FAT3: variants seen among roughly 807,000 people sequenced by gnomAD.
FAT3 encodes the protein protocadherin Fat 3.
FAT3 carries 95 observed loss-of-function variants against 310.2 expected under a neutral mutation model. That is an observed-to-expected ratio of 0.31 (90% CI 0.26 to 0.36). The LOEUF is 0.36. Among genes scored for constraint, FAT3 ranks in the 10% least tolerant of loss-of-function variants. The pLI is 1.00. For missense variants in FAT3, 5,408 were observed against 5,715.6 expected, an observed-to-expected ratio of 0.95 and a Z score of 1.74; for synonymous variants, 2,314 against 2,192.9, an observed-to-expected ratio of 1.06 and a Z score of -1.54.
intron 4 of FAT3, among the ~76,000 whole-genome samples, chr11:92,724,156 CTG>C (rs1245323747): frequency 1.3e-5 from 2 of 152,114 alleles, no homozygotes; most frequent in African/African-American, 2.4e-5. Context: ...TTTCAAGAAA[CTG>C]TGGTGAACTG....
chr11:92,332,218 AGTTCTT>A (rs1416834369), intron 1 of FAT3, among the ~76,000 whole-genome samples: 1 of 152,176 alleles, frequency 6.6e-6, no homozygotes, highest in Admixed American at 6.5e-5. Flanking sequence ...TTTCTCAGAC[AGTTCTT>A]GCACTTTCCC....
In FAT3 at chr11:92,889,862, T is replaced by G. The variant is rs1382500528; in HGVS notation, c.13118T>G (p.Val4373Gly). The G allele has an allele frequency of 1.4e-6, 1 of 718,084 alleles. No individual in the cohort carries two copies. Among genetic ancestry groups the G allele is most frequent in the South Asian group, 1.5e-5 (1 of 67,606 alleles). The allele number at this position is 718,084 out of a possible 1,614,324, so 44.5% of individuals were successfully genotyped here. A position where few individuals can be genotyped will look rare whatever the true frequency, so the allele number is the denominator to read the frequency against. Reference protein sequence around the residue: ...VVDTIENEVSVMDQGQNYNRA... With the variant: ...VVDTIENEVSGMDQGQNYNRA... ...TCACTTTGTATTTAAACAGTGTCTG[T>G]CATGGACCAAGGACAGAACTACAAC... Residue 4373 changes from valine (V) to glycine (G), a missense_variant, in exon 27 of 28, where the codon GTC becomes GGC. Physicochemically the swap from Val to Gly is moderately radical, Grantham distance 109. Transcript: ENST00000525166.
intron 3 of FAT3, among the ~76,000 whole-genome samples, chr11:92,662,995 G>A (rs1942838616): frequency 6.6e-6 from 1 of 152,162 alleles, no homozygotes; most frequent in South Asian, 2.1e-4. Context: ...GTTCATTGCT[G>A]GAGACTGGCT....
At chr11:92,706,014 G>A (rs565411504) in intron 4 of FAT3, among the ~76,000 whole-genome samples, 99 of 151,548 alleles carry the variant, frequency 6.5e-4, no homozygotes, top group Admixed American at 3.3e-3. Context: ...TGGAGGAGAT[G>A]ACAGTTGTGA....
chr11:92,781,695 T>C (rs917033203), intron 7 of FAT3, among the ~76,000 whole-genome samples: 1 of 152,212 alleles, frequency 6.6e-6, no homozygotes, highest in Non-Finnish European at 1.5e-5. Flanking sequence ...CAGAAGGCAG[T>C]TCAGTCACTT....
Position 92,434,063 on chromosome 11 carries a change from A to G in FAT3, c.3292+78659A>G, listed in dbSNP as rs375581501. Among the ~76,000 whole-genome samples the G allele has an allele frequency of 3.3e-5, 5 of 151,582 alleles. No individual in the cohort carries two copies. The South Asian group carries it at 1.0e-3, about 32-fold the overall frequency. On this transcript the variant is annotated intron_variant, in intron 2 of 27. Transcript: ENST00000525166. ...CATCACTGTGGATTGAGAGGGTTGA[A>G]CTTCAGAGGATGCTGATCAGAGGAG...
At chr11:92,355,439 C>T in intron 2 of FAT3, 35 bp downstream of exon 2, 1 of 1,568,542 alleles carries the variant, frequency 6.4e-7, no homozygotes, top group Non-Finnish European at 8.7e-7. Flanking sequence ...AGTGTTGTTT[C>T]ACCTCTTTTA....
chr11:92,630,629 C>T (rs2135700867), intron 3 of FAT3, among the ~76,000 whole-genome samples: 1 of 152,304 alleles, frequency 6.6e-6, no homozygotes, highest in East Asian at 1.9e-4. Flanking sequence ...AGCCATCCTC[C>T]TCTAATTTTT....
intron 24 of FAT3, among the ~76,000 whole-genome samples, chr11:92,885,615 T>C (rs1356549028): frequency 6.6e-6 from 1 of 152,214 alleles, no homozygotes; most frequent in Non-Finnish European, 1.5e-5. Flanking sequence ...AAATTATCTG[T>C]TGAGTTAGAC....
At chr11:92,810,655 T>C (rs993800748) in intron 13 of FAT3, among the ~76,000 whole-genome samples, 1 of 151,808 alleles carries the variant, frequency 6.6e-6, no homozygotes, top group Non-Finnish European at 1.5e-5. Context: ...AGAGTGGGGG[T>C]GGGGGAGATA....
chr11:92,659,371 G>C (rs969008761), intron 3 of FAT3, among the ~76,000 whole-genome samples: 3 of 152,148 alleles, frequency 2.0e-5, no homozygotes, highest in African/African-American at 7.2e-5. Flanking sequence ...GTTGTACATT[G>C]AGTTTCTACA....
At chr11:92,533,947 AAG>A (rs1325553239) in intron 3 of FAT3, among the ~76,000 whole-genome samples, 6 of 152,222 alleles carry the variant, frequency 3.9e-5, no homozygotes, top group East Asian at 1.9e-4. Flanking sequence ...TGTTAAAAAA[AAG>A]AGAGATTGAT....
At chr11:92,888,937 C>T (rs1949853994) in intron 25 of FAT3, among the ~76,000 whole-genome samples, 1 of 152,116 alleles carries the variant, frequency 6.6e-6, no homozygotes. Context: ...CAATCATGAC[C>T]TATCCTGCCT....
chr11:92,798,194 G>C lies in FAT3; in HGVS notation c.5181G>C (p.Lys1727Asn), dbSNP rs1565602084. Residue 1727 changes from lysine (K) to asparagine (N), a missense_variant, in exon 10 of 28, where the codon AAG becomes AAC. Lys to Asn is a moderately conservative substitution (Grantham distance 94). Around this residue, in one of 5 missense-constraint regions of FAT3, gnomAD observed 4,588 missense variants for 4,809.8 expected, o/e 0.95. Transcript: ENST00000525166. ...ATTCTGGAGTCATCACCACTCAGAA[G>C]GCCCTGGATTATGAGCGCACATCCT... ...NPYSGVITTQ[K>N]ALDYERTSSY... 6.2e-7 allele frequency: 1 copy of C among 1,613,930 alleles called. No homozygotes were observed.
intron 4 of FAT3, among the ~76,000 whole-genome samples, chr11:92,734,475 G>T (rs562395208): frequency 2.6e-5 from 4 of 152,260 alleles, no homozygotes; most frequent in African/African-American, 7.2e-5. Flanking sequence ...TTTTAAAATC[G>T]CAGTATAATG....
chr11:92,700,654 A>T (rs1170824772), intron 4 of FAT3, among the ~76,000 whole-genome samples: 1 of 152,160 alleles, frequency 6.6e-6, no homozygotes, highest in African/African-American at 2.4e-5. Flanking sequence ...AGGTAATCAG[A>T]ATCATACCAA....
intron 7 of FAT3, 145 bp downstream of exon 7, chr11:92,774,325 T>A: frequency 1.1e-6 from 1 of 916,846 alleles, no homozygotes; most frequent in Non-Finnish European, 1.6e-6. Flanking sequence ...CAAGAACAAG[T>A]GAGAAAAGGG....
chr11:92,352,149 C>A lies in FAT3; in HGVS notation c.37C>A (p.Pro13Thr), dbSNP rs1948585522. ...IIMGHCVGTR[P>T]PACCLILLLF... Reference sequence around the variant, plus strand: ...TATGGGACACTGTGTGGGCACACGGCCTCCTGCTTGTTGCCTCATCCTCCT... The same window carrying A: ...TATGGGACACTGTGTGGGCACACGGACTCCTGCTTGTTGCCTCATCCTCCT... The change falls in exon 2 of 28, where the codon CCT (proline) becomes ACT (threonine). Residue 13 changes from proline to threonine, a missense_variant. Transcript: ENST00000525166. 1 of 1,366,942 alleles carries A rather than the reference C, an allele frequency of 7.3e-7. No individual in the cohort carries two copies. Among genetic ancestry groups the A allele is most frequent in the African/African-American group, 1.5e-5 (1 of 67,940 alleles). The allele number at this position is 1,366,942 out of a possible 1,614,324, so 84.7% of individuals were successfully genotyped here. A position where few individuals can be genotyped will look rare whatever the true frequency, so the allele number is the denominator to read the frequency against.
chr11:92,501,144 A>G (rs1231563651), intron 2 of FAT3, among the ~76,000 whole-genome samples: 2 of 151,940 alleles, frequency 1.3e-5, no homozygotes, highest in Non-Finnish European at 2.9e-5. Context: ...GCCGCTTTCT[A>G]TTGTCTTGTA....
Sources: gnomAD v4.1 joint callset for allele counts (sites outside exome capture counted in the v4.1 genomes callset) on GRCh38, gnomAD v4.1.1 for gene constraint, gnomAD v4.1.1 regional missense constraint, MANE v1.5 for transcripts, NCBI Gene and HGNC (gene_info 2026-07-23, HGNC 2026-07-21) for gene names.